The following EBF1 variants were observed in gnomAD, a reference collection of about 807,000 sequenced individuals.
EBF1 encodes the protein EBF transcription factor 1.
A neutral mutation model predicts 68.4 loss-of-function variants in EBF1; 10 were observed. That is an observed-to-expected ratio of 0.15 (90% CI 0.09 to 0.25). The LOEUF is 0.25. Among genes scored for constraint, EBF1 ranks in the 10% least tolerant of loss-of-function variants. EBF1 has a pLI of 1.00. For missense variants in EBF1, 509 were observed against 794.4 expected (o/e 0.64, Z 4.32); for synonymous variants, 298 against 299.8 (o/e 0.99, Z 0.06).
chr5:158,752,488 T>C (rs1376914283), intron 10 of EBF1, among the ~76,000 whole-genome samples: 3 of 152,178 alleles, frequency 2.0e-5, no homozygotes, highest in Non-Finnish European at 2.9e-5. Flanking sequence ...ACTAGTTCTG[T>C]GGTTTTCTCC....
At chr5:159,045,110 G>A (rs1420575198) in intron 6 of EBF1, among the ~76,000 whole-genome samples, 2 of 151,644 alleles carry the variant, frequency 1.3e-5, no homozygotes, top group African/African-American at 4.8e-5. Flanking sequence ...TAAGAAAAAA[G>A]GAAAAAAAGA....
intron 12 of EBF1, 32 bp downstream of exon 12, chr5:158,714,085 G>A: frequency 6.2e-7 from 1 of 1,610,922 alleles, no homozygotes; most frequent in Non-Finnish European, 8.5e-7. Flanking sequence ...GCATGTGGCA[G>A]TCCACACAGG....
intron 10 of EBF1, among the ~76,000 whole-genome samples, chr5:158,768,238 G>C (rs997230927): frequency 6.6e-6 from 1 of 152,044 alleles, no homozygotes; most frequent in African/African-American, 2.4e-5. Flanking sequence ...CCAAATTCCA[G>C]GGGGCTATGC....
At chr5:158,701,362 A>AATT (rs1756734511) in intron 15 of EBF1, among the ~76,000 whole-genome samples, 2 of 5,226 alleles carry the variant, frequency 3.8e-4, no homozygotes, top group Admixed American at 1.8e-3. Flanking sequence ...GGCCAGAATT[A>AATT]AAAAAAAAAA....
intron 6 of EBF1, among the ~76,000 whole-genome samples, chr5:159,069,830 T>C (rs2127929621): frequency 6.6e-6 from 1 of 152,310 alleles, no homozygotes; most frequent in South Asian, 2.1e-4. Context: ...ATGGGAATAG[T>C]CTAATGAGGT....
chr5:158,857,219 C>T (rs191964603), intron 6 of EBF1, among the ~76,000 whole-genome samples: 2 of 151,832 alleles, frequency 1.3e-5, no homozygotes, highest in Admixed American at 1.3e-4. Flanking sequence ...CTATGGCTCT[C>T]TCCTGGCAAA....
At chr5:159,075,907 C>A (rs893710232) in intron 5 of EBF1, among the ~76,000 whole-genome samples, 3 of 152,154 alleles carry the variant, frequency 2.0e-5, no homozygotes, top group African/African-American at 7.2e-5. Flanking sequence ...TCTTGCCTGG[C>A]GGGCCTCTCC....
intron 6 of EBF1, among the ~76,000 whole-genome samples, chr5:158,991,776 T>C (rs946973119): frequency 9.2e-5 from 14 of 152,238 alleles, no homozygotes; most frequent in African/African-American, 3.1e-4. Flanking sequence ...AGTTTTATCC[T>C]TTTGCATATA....
intron 10 of EBF1, among the ~76,000 whole-genome samples, chr5:158,758,603 G>A (rs1770671447): frequency 6.6e-6 from 1 of 151,656 alleles, no homozygotes; most frequent in Non-Finnish European, 1.5e-5. Flanking sequence ...TTTTAATTCA[G>A]GCACCAAGAA....
At chr5:158,808,510 C>G (rs986993632) in intron 8 of EBF1, among the ~76,000 whole-genome samples, 4 of 152,148 alleles carry the variant, frequency 2.6e-5, no homozygotes, top group East Asian at 3.9e-4. Context: ...GCTCTGGATT[C>G]AGGGGGCCTC....
At chr5:158,981,533 A>G (rs1757902693) in intron 6 of EBF1, among the ~76,000 whole-genome samples, 1 of 152,218 alleles carries the variant, frequency 6.6e-6, no homozygotes, top group African/African-American at 2.4e-5. Flanking sequence ...GTGTATTTTA[A>G]TTAAACATTA....
intron 6 of EBF1, among the ~76,000 whole-genome samples, chr5:158,883,583 C>G (rs1220945406): frequency 1.3e-5 from 2 of 152,102 alleles, no homozygotes; most frequent in Non-Finnish European, 2.9e-5. Flanking sequence ...AGCCTTGAAT[C>G]AGCACCAGGA....
chr5:158,919,857 G>A (rs1808017458), intron 6 of EBF1, among the ~76,000 whole-genome samples: 1 of 152,140 alleles, frequency 6.6e-6, no homozygotes, highest in South Asian at 2.1e-4. Flanking sequence ...TCAAGATTAA[G>A]CAACTTTCCA....
At chr5:158,804,481 C>T (rs750338792) in intron 8 of EBF1, among the ~76,000 whole-genome samples, 3 of 152,060 alleles carry the variant, frequency 2.0e-5, no homozygotes, top group Non-Finnish European at 4.4e-5. Context: ...CCAGGGCAAG[C>T]GCTTTTGGAT....
At chr5:158,990,980 G>C (rs11744120) in intron 6 of EBF1, among the ~76,000 whole-genome samples, 29,121 of 152,088 alleles carry the variant, frequency 0.19, 3,130 homozygotes, top group African/African-American at 0.3. Flanking sequence ...CCAACACTGA[G>C]CTTTAGTCAT....
chr5:158,941,095 C>T (rs1813264008), intron 6 of EBF1: 4 of 413,390 alleles, frequency 9.7e-6, no homozygotes, highest in South Asian at 1.8e-5. Flanking sequence ...TTGCTGACTA[C>T]CACCAGCTGT....
At chr5:158,821,839 A>G (rs1157351330) in intron 8 of EBF1, among the ~76,000 whole-genome samples, 2 of 152,226 alleles carry the variant, frequency 1.3e-5, no homozygotes, top group South Asian at 2.1e-4. Flanking sequence ...ATGAAACCAT[A>G]AAGAAGCAGC....
chr5:159,079,733 TC>T (rs1779422752), intron 5 of EBF1, among the ~76,000 whole-genome samples: 1 of 149,784 alleles, frequency 6.7e-6, no homozygotes, highest in South Asian at 2.2e-4. Flanking sequence ...TGCCTCAGCC[TC>T]CCGAGTAGCT....
Position 158,958,986 on chromosome 5 carries a change from C to T in EBF1, c.554+114410G>A, listed in dbSNP as rs187282539. 1.1e-3 allele frequency among the ~76,000 whole-genome samples: 169 copies of T among 152,310 alleles called. 1 individual carries two copies. The highest frequency in any genetic ancestry group is 1.8e-4 in the Non-Finnish European group (12 of 68,024). On this transcript the variant is annotated intron_variant, in intron 6 of 15. Coordinates refer to ENST00000313708, the MANE Select transcript of EBF1 (RefSeq NM_024007.5). The stretch of plus-strand genomic sequence containing the variant: ...CAAGTTGTCCCCAAGTCATCTTGAA[C>T]TGGCTACTTAAACAATGTAAGTGAC...
Sources: allele counts gnomAD v4.1 joint callset (sites outside exome capture counted in the v4.1 genomes callset), GRCh38; gene constraint gnomAD v4.1.1; transcripts MANE v1.5; gene names NCBI Gene and HGNC (gene_info 2026-07-23, HGNC 2026-07-21).